AGMO: variants seen among roughly 807,000 people sequenced by gnomAD.
The protein encoded by AGMO is glyceryl-ether monooxygenase.
Under a neutral mutation model 60.2 loss-of-function variants are expected in AGMO, and 75 were observed. The ratio of observed to expected loss-of-function variants is 1.25; its 90% CI spans 1.03 to 1.51. The LOEUF is 1.51. AGMO is among the 40% of genes most tolerant of loss of function. The pLI is 0.00. For synonymous variants in AGMO, 261 were observed against 177.1 expected, an observed-to-expected ratio of 1.47 and a Z score of -3.76; for missense variants, 763 against 525.5, an observed-to-expected ratio of 1.45 and a Z score of -4.42.
At chr7:15,357,079 G>A (rs1171764637) in intron 12 of AGMO, among the ~76,000 whole-genome samples, 1 of 150,810 alleles carries the variant, frequency 6.6e-6, no homozygotes, top group Middle Eastern at 3.4e-3. Flanking sequence ...AGCCAAGATT[G>A]CACCATTGCA....
chr7:15,175,416 G>T, the AGMO span, among the ~76,000 whole-genome samples: 2 of 151,870 alleles, frequency 1.3e-5, no homozygotes, highest in Non-Finnish European at 2.9e-5. Context: ...TTATGATTTT[G>T]GGGGGAAAAT....
At chr7:15,255,815 G>C (rs1382922963) in intron 12 of AGMO, among the ~76,000 whole-genome samples, 3 of 152,186 alleles carry the variant, frequency 2.0e-5, no homozygotes, top group Non-Finnish European at 4.4e-5. Context: ...GGTAGGTACA[G>C]AAAAGGAATA....
At chr7:15,202,261 C>T (rs1239360027) in intron 12 of AGMO, among the ~76,000 whole-genome samples, 1 of 151,848 alleles carries the variant, frequency 6.6e-6, no homozygotes. Context: ...GGAAGATTCA[C>T]TGAAATATAC....
In AGMO at chr7:15,317,724, CTGTTA is replaced by C. The variant is rs1265881776; in HGVS notation, c.1263+47785_1263+47789del. Among the ~76,000 whole-genome samples, 3 of 151,688 alleles carry C rather than the reference CTGTTA, an allele frequency of 2.0e-5. No homozygotes were observed. In the East Asian group the frequency reaches 5.8e-4, roughly 29 times the overall value. ...TTCAGAAGTGATTTAATTCAAGTGT[CTGTTA>C]TAAGAAGTAGTAGAAAACAATTTGT... is the stretch of plus-strand genomic sequence containing the variant. On this transcript the variant is annotated intron_variant, in intron 12 of 12. Transcript: ENST00000342526.
intron 3 of AGMO, among the ~76,000 whole-genome samples, chr7:15,490,664 G>T (rs1277617840): frequency 6.6e-6 from 1 of 152,082 alleles, no homozygotes; most frequent in Non-Finnish European, 1.5e-5. Flanking sequence ...TGAACAATCT[G>T]CAAGGAACAT....
At chr7:15,500,017 G>T (rs1246832156) in intron 3 of AGMO, among the ~76,000 whole-genome samples, 1 of 150,844 alleles carries the variant, frequency 6.6e-6, no homozygotes. Context: ...TACACAGATG[G>T]ATAAAGACAA....
At chr7:15,394,780 T>G (rs1784303376) in intron 5 of AGMO, among the ~76,000 whole-genome samples, 1 of 152,166 alleles carries the variant, frequency 6.6e-6, no homozygotes, top group South Asian at 2.1e-4. Context: ...ATTAGGGTGA[T>G]CCTACTTATT....
intron 2 of AGMO, among the ~76,000 whole-genome samples, chr7:15,558,280 A>G (rs1185513775): frequency 1.3e-5 from 2 of 152,076 alleles, no homozygotes; most frequent in Non-Finnish European, 2.9e-5. Context: ...TGTCAAATTC[A>G]TTGTCAAAAT....
chr7:15,488,622 A>C (rs942361832), intron 3 of AGMO, among the ~76,000 whole-genome samples: 1 of 152,144 alleles, frequency 6.6e-6, no homozygotes, highest in Non-Finnish European at 1.5e-5. Context: ...ATCACAGCAA[A>C]TATTTCATTT....
At chr7:15,304,104 C>T (rs961601214) in intron 12 of AGMO, among the ~76,000 whole-genome samples, 4 of 152,132 alleles carry the variant, frequency 2.6e-5, no homozygotes, top group Non-Finnish European at 4.4e-5. Flanking sequence ...CAATGCTTGA[C>T]GGCATCCTCT....
At chr7:15,247,733 AAAT>A (rs1782791235) in intron 12 of AGMO, among the ~76,000 whole-genome samples, 1 of 152,182 alleles carries the variant, frequency 6.6e-6, no homozygotes, top group African/African-American at 2.4e-5. Context: ...TATATACTTT[AAAT>A]ACTACCAGTG....
chr7:15,198,247 G>GAGAGAGAGAC (rs1267923985), downstream of AGMO, among the ~76,000 whole-genome samples: 1 of 84,970 alleles, frequency 1.2e-5, no homozygotes, highest in Admixed American at 1.3e-4. Context: ...GAGAGAGAGA[G>GAGAGAGAGAC]AGAGAGAGAC....
In AGMO at chr7:15,390,712, A is replaced by T. The variant is rs755693116; in HGVS notation, c.781T>A (p.Leu261Ile). Residue 261 changes from leucine to isoleucine, a missense_variant, in exon 8 of 13, where the codon TTA becomes ATA. By Grantham distance (5) the Leu-to-Ile change is conservative. Coordinates refer to ENST00000342526, the MANE Select transcript of AGMO (RefSeq NM_001004320.2). ...TCAAATGTATTAATGGGATGTGTTA[A>T]GCCATATACAACTTTTTCATTTTCT... ...EAENEKVVYGLTHPINTFEPI... is the reference protein window; with the variant it reads ...EAENEKVVYGITHPINTFEPI... 1 of 1,611,580 alleles carries T rather than the reference A, an allele frequency of 6.2e-7. No homozygotes were observed.
intron 4 of AGMO, among the ~76,000 whole-genome samples, chr7:15,420,783 A>T (rs1433127071): frequency 6.6e-6 from 1 of 152,176 alleles, no homozygotes; most frequent in African/African-American, 2.4e-5. Flanking sequence ...TAGCTGGATT[A>T]GGCACATGAT....
chr7:15,216,342 G>A (rs1360369103), intron 12 of AGMO, among the ~76,000 whole-genome samples: 22 of 152,152 alleles, frequency 1.4e-4, no homozygotes, highest in Middle Eastern at 3.4e-3. Context: ...GTTAATGGGC[G>A]TTAGAAAACT....
intron 12 of AGMO, among the ~76,000 whole-genome samples, chr7:15,245,190 G>A (rs1243418208): frequency 6.6e-6 from 1 of 152,074 alleles, no homozygotes; most frequent in Non-Finnish European, 1.5e-5. Context: ...CAAATTTAAT[G>A]TTTCCTTTTT....
At chr7:15,238,835 T>C (rs1782503893) in intron 12 of AGMO, among the ~76,000 whole-genome samples, 1 of 152,074 alleles carries the variant, frequency 6.6e-6, no homozygotes. Flanking sequence ...TATAGTCAGA[T>C]TTGAAATATA....
At chr7:15,277,438 A>C (rs1428933605) in intron 12 of AGMO, among the ~76,000 whole-genome samples, 1 of 152,202 alleles carries the variant, frequency 6.6e-6, no homozygotes, top group African/African-American at 2.4e-5. Context: ...CATGACATTC[A>C]GATTTCTCAT....
intron 2 of AGMO, among the ~76,000 whole-genome samples, chr7:15,556,754 G>GT (rs1241977057): frequency 6.6e-6 from 1 of 152,078 alleles, no homozygotes; most frequent in Non-Finnish European, 1.5e-5. Flanking sequence ...GTTAAATCAA[G>GT]TTTAATTTTT....
Sources: gnomAD v4.1 joint callset for allele counts (sites outside exome capture counted in the v4.1 genomes callset) on GRCh38, gnomAD v4.1.1 for gene constraint, MANE v1.5 for transcripts, NCBI Gene and HGNC (gene_info 2026-07-23, HGNC 2026-07-21) for gene names.